H1-8: variants seen among roughly 807,000 people sequenced by gnomAD.
The protein encoded by H1-8 is histone H1.8.
Under a neutral mutation model 19.5 loss-of-function variants are expected in H1-8, and 13 were observed. The observed-to-expected ratio is 0.67, with a 90% CI of 0.43 to 1.06. The LOEUF (loss-of-function observed/expected upper bound fraction) is 1.06. Ranked by LOEUF, H1-8 falls within the 50% of genes least tolerant of loss-of-function variation. H1-8 has a pLI of 0.00. For synonymous variants in H1-8, 193 were observed against 187.6 expected (o/e 1.03, Z -0.24); for missense variants, 432 against 459.8 (o/e 0.94, Z 0.55).
chr3:129,550,889 G>A (rs888634493), intron 4 of H1-8, 80 bp downstream of exon 4: 19 of 1,307,378 alleles, frequency 1.5e-5, no homozygotes, highest in African/African-American at 5.9e-5. Flanking sequence ...CTCAGCCCCC[G>A]GAAGGGTCAT....
intron 1 of H1-8, among the ~76,000 whole-genome samples, chr3:129,546,501 A>G (rs2084890143): frequency 6.6e-6 from 1 of 152,222 alleles, no homozygotes; most frequent in African/African-American, 2.4e-5. Context: ...TTTCATCTGT[A>G]AATATCTTTT....
intron 2 of H1-8, 74 bp from the exon 3 acceptor site, chr3:129,548,927 G>T (rs1317126054): frequency 1.3e-5 from 20 of 1,517,984 alleles, no homozygotes; most frequent in Non-Finnish European, 1.7e-5. Context: ...CCTCCCATTC[G>T]GAGTCTTACG....
chr3:129,547,687 G>T lies in H1-8; in HGVS notation c.378+7G>T. The T allele has an allele frequency of 6.5e-7, 1 of 1,534,518 alleles. No individual in the cohort carries two copies. ...GGCCACTGGCAGCTTCAAAGTAAGC[G>T]CCCCTGAGGGAGGACATAGCCCAGG... On this transcript the variant is annotated splice_region_variant and intron_variant, in intron 2 of 4. Coordinates refer to ENST00000324382, the MANE Select transcript of H1-8 (RefSeq NM_153833.3).
rs149387880 is a variant in H1-8, at chr3:129,550,799, C to A, written c.797C>A (p.Thr266Lys). 1.2e-6 allele frequency: 2 copies of A among 1,613,182 alleles called. No individual in the cohort carries two copies. The highest frequency in any genetic ancestry group is 2.7e-5 in the African/African-American group (2 of 74,896). Residue 266 changes from threonine to lysine, a missense_variant, in exon 4 of 5, where the codon ACG (threonine) becomes AAG (lysine). By Grantham distance (78) the Thr-to-Lys change is moderately conservative. Transcript: ENST00000324382. ...TKAESKSSKP[T>K]ASKVKNGAAS... ...GCTGAGAGTAAGAGTTCAAAACCCA[C>A]GGCCAGCAAGGTAGGTGCCTGCATG...
At position 129,551,148 on chromosome 3, in the gene H1-8, G is replaced by A; in HGVS notation, c.849G>A (p.Val283=). 1.2e-5 allele frequency: 19 copies of A among 1,614,158 alleles called. No homozygotes were observed. Among genetic ancestry groups the A allele is most frequent in the Non-Finnish European group, 1.6e-5 (19 of 1,180,030 alleles). Residue 283 remains valine (V), a synonymous_variant, in exon 5 of 5, where the codon GTG becomes GTA. Transcript: ENST00000324382. ...CTTCCCCGACCAAAAAGAAGGTGGT[G>A]GCCAAGGCCAAGGCCCCTAAAGCTG... ...GAASPTKKKV[V]AKAKAPKAGQ...
chr3:129,551,005 G>A, intron 4 of H1-8, 102 bp from the exon 5 acceptor site: 1 of 1,120,722 alleles, frequency 8.9e-7, no homozygotes, highest in Non-Finnish European at 1.3e-6. Context: ...ACAGATAAGA[G>A]ACTAAGGCTT....
chr3:129,548,246 G>A, intron 2 of H1-8: 3 of 799,076 alleles, frequency 3.8e-6, no homozygotes, highest in Non-Finnish European at 4.5e-6. Context: ...CCTGCATGTA[G>A]CAGCTGCCAT....
intron 2 of H1-8, 67 bp downstream of exon 2, chr3:129,547,747 C>G: frequency 7.3e-7 from 1 of 1,379,160 alleles, no homozygotes; most frequent in South Asian, 1.5e-5. Flanking sequence ...GTGAGTGCTG[C>G]GGCCTCTACT....
intron 1 of H1-8, among the ~76,000 whole-genome samples, chr3:129,545,281 T>C (rs1474595721): frequency 6.6e-6 from 1 of 152,112 alleles, no homozygotes; most frequent in Non-Finnish European, 1.5e-5. Context: ...AGAATTTAAG[T>C]CTTTAAATTC....
intron 3 of H1-8, 152 bp downstream of exon 3, chr3:129,549,516 A>G: frequency 1.1e-6 from 1 of 925,626 alleles, no homozygotes; most frequent in Non-Finnish European, 1.6e-6. Context: ...AACTCATGGT[A>G]GCTGGTTGGG....
At chr3:129,549,902 C>T (rs542111016) in intron 3 of H1-8, among the ~76,000 whole-genome samples, 3 of 151,902 alleles carry the variant, frequency 2.0e-5, no homozygotes, top group Middle Eastern at 3.4e-3. Context: ...TACAGTGAGC[C>T]GAGATCGCAC....
At chr3:129,545,806 C>T (rs973003761) in intron 1 of H1-8, among the ~76,000 whole-genome samples, 5 of 152,150 alleles carry the variant, frequency 3.3e-5, no homozygotes, top group Non-Finnish European at 5.9e-5. Flanking sequence ...GTAGCGACCA[C>T]ATTTTGTTCA....
chr3:129,550,276 C>T (rs780621412), intron 3 of H1-8, among the ~76,000 whole-genome samples: 40 of 152,186 alleles, frequency 2.6e-4, no homozygotes, highest in Non-Finnish European at 4.3e-4. Flanking sequence ...GTGTTGCATA[C>T]CTGTTGCCCC....
intron 1 of H1-8, among the ~76,000 whole-genome samples, chr3:129,543,803 G>C (rs900968006): frequency 6.6e-6 from 1 of 152,218 alleles, no homozygotes; most frequent in Non-Finnish European, 1.5e-5. Context: ...GGGAAGCCTG[G>C]CCCATGGCTT....
chr3:129,546,122 C>CAGT (rs1553782843), intron 1 of H1-8, among the ~76,000 whole-genome samples: 1 of 139,230 alleles, frequency 7.2e-6, no homozygotes, highest in African/African-American at 2.8e-5. Flanking sequence ...ATAACAATAA[C>CAGT]AATAATAATA....
chr3:129,547,621 C>A lies in H1-8; in HGVS notation c.319C>A (p.Arg107Ser). The change falls in exon 2 of 5, where the codon CGT becomes AGT. Residue 107 changes from arginine (R) to serine (S), a missense_variant. Arg to Ser is a moderately radical substitution (Grantham distance 110). Coordinates refer to ENST00000324382, the MANE Select transcript of H1-8 (RefSeq NM_153833.3). ...GCAGGCGCTGGCCACTGGCATGCGCCGTGGCCTCCTCGCCAGGCCCCTCAA... is the reference window on the plus strand; with the variant it reads ...GCAGGCGCTGGCCACTGGCATGCGCAGTGGCCTCCTCGCCAGGCCCCTCAA... ...LKQALATGMR[R>S]GLLARPLNSK... 5 of 1,550,260 alleles carry A rather than the reference C, an allele frequency of 3.2e-6. No individual in the cohort carries two copies. Among genetic ancestry groups the A allele is most frequent in the Non-Finnish European group, 4.4e-6 (5 of 1,147,788 alleles).
chr3:129,545,145 C>T (rs532745573), intron 1 of H1-8, among the ~76,000 whole-genome samples: 72 of 151,260 alleles, frequency 4.8e-4, no homozygotes, highest in African/African-American at 1.7e-3. Flanking sequence ...ACTGCAGTCT[C>T]CACTTCCCAG....
At chr3:129,546,122 C>CAATAATAATAATAAT (rs56301839) in intron 1 of H1-8, among the ~76,000 whole-genome samples, 9 of 139,230 alleles carry the variant, frequency 6.5e-5, no homozygotes, top group Non-Finnish European at 6.1e-5. Flanking sequence ...ATAACAATAA[C>CAATAATAATAATAAT]AATAATAATA....
At chr3:129,548,083 A>AG (rs1194248512) in intron 2 of H1-8, among the ~76,000 whole-genome samples, 1 of 152,104 alleles carries the variant, frequency 6.6e-6, no homozygotes, top group Non-Finnish European at 1.5e-5. Flanking sequence ...AGGCTCCAAA[A>AG]GGGGACCCAT....
Sources: allele counts gnomAD v4.1 joint callset (sites outside exome capture counted in the v4.1 genomes callset), GRCh38; gene constraint gnomAD v4.1.1; transcripts MANE v1.5; gene names NCBI Gene and HGNC (gene_info 2026-07-23, HGNC 2026-07-21).